The following WASF3 variants were observed in gnomAD, a reference collection of about 807,000 sequenced individuals.
The protein encoded by WASF3 is WASP family member 3.
Under a neutral mutation model 46.6 loss-of-function variants are expected in WASF3, and 11 were observed. The observed-to-expected ratio is 0.24, with a 90% CI of 0.15 to 0.39. The LOEUF is 0.39. WASF3 is among the 10% of genes least tolerant of loss of function. The pLI is 1.00. For missense variants in WASF3, 576 were observed against 669.8 expected (o/e 0.86, Z 1.55); for synonymous variants, 242 against 259.7 (o/e 0.93, Z 0.65).
intron 1 of WASF3, among the ~76,000 whole-genome samples, chr13:26,581,238 CT>C (rs1350371475): frequency 6.6e-6 from 1 of 151,890 alleles, no homozygotes; most frequent in African/African-American, 2.4e-5. Flanking sequence ...GGTCAAATTT[CT>C]TTTTTTTAAG....
intron 1 of WASF3, among the ~76,000 whole-genome samples, chr13:26,562,527 A>G (rs1022897590): frequency 2.0e-5 from 3 of 152,076 alleles, no homozygotes; most frequent in Non-Finnish European, 4.4e-5. Context: ...GGGCAGATAA[A>G]GGGGGAACCC....
chr13:26,572,301 G>A (rs1008327691), intron 1 of WASF3, among the ~76,000 whole-genome samples: 9 of 152,176 alleles, frequency 5.9e-5, no homozygotes, highest in African/African-American at 1.9e-4. Context: ...TTGCCCTTTA[G>A]GATGTTGGCA....
chr13:26,648,190 G>A (rs1197048678), intron 3 of WASF3, among the ~76,000 whole-genome samples: 2 of 152,036 alleles, frequency 1.3e-5, no homozygotes, highest in South Asian at 2.1e-4. Flanking sequence ...AGGGATAGTC[G>A]TCATAAATGG....
At chr13:26,550,191 T>A in the WASF3 span, among the ~76,000 whole-genome samples, 2 of 152,200 alleles carry the variant, frequency 1.3e-5, no homozygotes, top group African/African-American at 4.8e-5. Flanking sequence ...AGGGTCTATA[T>A]GCTACATCAG....
At chr13:26,618,301 G>C (rs1365087106) in intron 2 of WASF3, among the ~76,000 whole-genome samples, 1 of 151,946 alleles carries the variant, frequency 6.6e-6, no homozygotes, top group African/African-American at 2.4e-5. Flanking sequence ...TCAAAATATT[G>C]ATCATGCAGA....
chr13:26,673,660 T>A (rs551240998), intron 6 of WASF3, among the ~76,000 whole-genome samples: 1 of 152,232 alleles, frequency 6.6e-6, no homozygotes, highest in East Asian at 1.9e-4. Context: ...AAGGAAAAAT[T>A]AGTTTAGAAA....
At chr13:26,564,900 GTTTTTTTTTTT>G (rs66809412) in intron 1 of WASF3, among the ~76,000 whole-genome samples, 2 of 81,634 alleles carry the variant, frequency 2.4e-5, no homozygotes, top group African/African-American at 4.8e-5. Flanking sequence ...CAAGGTTGTG[GTTTTTTTTTTT>G]TTTTTTTTTT....
chr13:26,547,838 A>G, the WASF3 span, among the ~76,000 whole-genome samples: 8 of 152,118 alleles, frequency 5.3e-5, no homozygotes, highest in African/African-American at 1.9e-4. Flanking sequence ...TCCACATTGA[A>G]ATGAGTAAGA....
Position 26,583,095 on chromosome 13 carries a change from G to A in WASF3, c.-109+25276G>A, listed in dbSNP as rs1880032185. On this transcript the variant is annotated intron_variant, in intron 1 of 9. Transcript: ENST00000335327. The stretch of plus-strand genomic sequence containing the variant: ...GAAAGATAGCAATAGCCATGGTAAA[G>A]CAGTTTGGACAGTTACTGTGGATAG... Among the ~76,000 whole-genome samples the A allele has an allele frequency of 3.9e-5, 6 of 152,206 alleles. No individual in the cohort carries two copies. The South Asian group carries it at 1.2e-3, about 32-fold the overall frequency.
chr13:26,647,859 G>A (rs1456517290), intron 3 of WASF3, among the ~76,000 whole-genome samples: 1 of 151,894 alleles, frequency 6.6e-6, no homozygotes, highest in Non-Finnish European at 1.5e-5. Flanking sequence ...ACAAAATTCC[G>A]TTAATCAGAA....
In WASF3 at chr13:26,599,184, C is replaced by CTTTTTT. The variant is rs57148941; in HGVS notation, c.-108-13765_-108-13760dup. On this transcript the variant is annotated intron_variant, in intron 1 of 9. Transcript: ENST00000335327. ...GCCTGCCCTGCTCTTCTTTTCATTT[C>CTTTTTT]TTTTTTTTTTTTTTTTTGAGACGGA... Among the ~76,000 whole-genome samples the CTTTTTT allele has an allele frequency of 4.2e-4, 50 of 118,290 alleles. 3 individuals are homozygous for CTTTTTT. Among genetic ancestry groups the CTTTTTT allele is most frequent in the African/African-American group, 5.5e-4 (17 of 31,014 alleles). The allele number at this position is 118,290 out of a possible 152,430, so 77.6% of individuals were successfully genotyped here. A position where few individuals can be genotyped will look rare whatever the true frequency, so the allele number is the denominator to read the frequency against.
Position 26,679,236 on chromosome 13 carries a change from C to A in WASF3, c.717-1818C>A, listed in dbSNP as rs751333007. Among the ~76,000 whole-genome samples, 1 of 152,060 alleles carries A rather than the reference C, an allele frequency of 6.6e-6. No individual in the cohort carries two copies. Among genetic ancestry groups the A allele is most frequent in the Non-Finnish European group, 1.5e-5 (1 of 67,986 alleles). On this transcript the variant is annotated intron_variant, in intron 7 of 9. Transcript: ENST00000335327. This position sits in a 1 kb window ranked among gnomAD's most constrained non-coding sequence, Gnocchi z 4.8. ...CCCCACTGGGAGTGGGGCTCATCTC[C>A]AACAGCTGCCTGCTCCTCCCTCCTC...
intron 1 of WASF3, among the ~76,000 whole-genome samples, chr13:26,565,347 T>A (rs1879431328): frequency 6.6e-6 from 1 of 152,144 alleles, no homozygotes; most frequent in Admixed American, 6.5e-5. Context: ...TATATTGTTC[T>A]GAGAGAGGTT....
chr13:26,635,873 C>T (rs924735653), intron 2 of WASF3, among the ~76,000 whole-genome samples: 2 of 152,236 alleles, frequency 1.3e-5, no homozygotes, highest in South Asian at 2.1e-4. Flanking sequence ...CTGATGCGTC[C>T]TCTGAAAGCT....
chr13:26,607,479 T>G (rs1004174700), intron 1 of WASF3, among the ~76,000 whole-genome samples: 11 of 152,116 alleles, frequency 7.2e-5, no homozygotes, highest in Non-Finnish European at 2.9e-5. Context: ...GATTGGTCAT[T>G]TCAGAATTAC....
rs1027299858 is a variant in WASF3, at chr13:26,687,763, A to G, written c.*1918A>G. 14 of 145,188 alleles carry G rather than the reference A, an allele frequency of 9.6e-5. No homozygotes were observed. The highest frequency in any genetic ancestry group is 3.6e-4 in the African/African-American group (14 of 39,152). The allele number at this position is 145,188 out of a possible 1,614,324, so 9.0% of individuals were successfully genotyped here. A position where few individuals can be genotyped will look rare whatever the true frequency, so the allele number is the denominator to read the frequency against. On this transcript the variant is annotated 3_prime_UTR_variant, in exon 10 of 10. Coordinates refer to ENST00000335327, the MANE Select transcript of WASF3 (RefSeq NM_006646.6). ...GTTGTTGTTAAAAAGGGCCTACTAC[A>G]TTGGCGCTATTCTTAGGACTTCTGC...
intron 3 of WASF3, among the ~76,000 whole-genome samples, chr13:26,658,941 T>C (rs1416202463): frequency 6.6e-6 from 1 of 152,210 alleles, no homozygotes; most frequent in Non-Finnish European, 1.5e-5. Flanking sequence ...CCAGGCATGC[T>C]CTAGACATTG....
chr13:26,626,633 A>C (rs1253090965), intron 2 of WASF3, among the ~76,000 whole-genome samples: 2 of 152,354 alleles, frequency 1.3e-5, no homozygotes, highest in South Asian at 2.1e-4. Context: ...TATGCTCTCC[A>C]AAATAAATTC....
upstream of WASF3, among the ~76,000 whole-genome samples, chr13:26,557,369 T>C (rs1201417720): frequency 3.3e-5 from 5 of 152,102 alleles, no homozygotes; most frequent in African/African-American, 1.2e-4. Flanking sequence ...GGTACTGTAA[T>C]GGGCACCTAG....
Sources: gnomAD v4.1 joint callset for allele counts (sites outside exome capture counted in the v4.1 genomes callset) on GRCh38, gnomAD v4.1.1 for gene constraint, Gnocchi (gnomAD v3.1) non-coding constraint, MANE v1.5 for transcripts, NCBI Gene and HGNC (gene_info 2026-07-23, HGNC 2026-07-21) for gene names.